The following OPCML variants were observed in gnomAD, a reference collection of about 807,000 sequenced individuals.
The protein encoded by OPCML is opioid binding protein/cell adhesion molecule like.
Under a neutral mutation model 37.8 loss-of-function variants are expected in OPCML, and 13 were observed. That is an observed-to-expected ratio of 0.34 (90% confidence interval 0.22 to 0.55). OPCML has a LOEUF of 0.55. OPCML is among the 20% of genes least tolerant of loss of function. OPCML has a pLI of 0.91. For missense variants in OPCML, 341 were observed against 435.6 expected, an observed-to-expected ratio of 0.78 and a Z score of 1.93; for synonymous variants, 176 against 168.8, an observed-to-expected ratio of 1.04 and a Z score of -0.33.
intron 3 of OPCML, among the ~76,000 whole-genome samples, chr11:132,655,283 A>G (rs1001861203): frequency 6.6e-6 from 1 of 152,150 alleles, no homozygotes. Context: ...GGCACTTCCG[A>G]TGCCGAGAAT....
chr11:132,677,195 A>G (rs1942747747), intron 2 of OPCML, among the ~76,000 whole-genome samples: 1 of 152,120 alleles, frequency 6.6e-6, no homozygotes, highest in African/African-American at 2.4e-5. Context: ...CTAACAAAGT[A>G]TGTGCAAGAT....
chr11:132,558,468 C>G (rs2096403118), intron 3 of OPCML, among the ~76,000 whole-genome samples: 1 of 45,634 alleles, frequency 2.2e-5, no homozygotes, highest in Non-Finnish European at 4.0e-5. Context: ...TCCTCCCCAT[C>G]CTGTCCTCCT....
intron 1 of OPCML, among the ~76,000 whole-genome samples, chr11:133,222,951 G>T (rs1939899513): frequency 6.6e-6 from 1 of 152,096 alleles, no homozygotes; most frequent in Non-Finnish European, 1.5e-5. Flanking sequence ...TCCCAGCCTT[G>T]TGTACTTGGG....
chr11:132,420,052 A>G lies in OPCML; in HGVS notation c.*141T>C. 1.5e-6 allele frequency: 1 copy of G among 678,736 alleles called. No homozygotes were observed. 42.0% of individuals were successfully genotyped at this position (678,736 alleles called of 1,614,324 possible). A position where few individuals can be genotyped will look rare whatever the true frequency, so the allele number is the denominator to read the frequency against. The stretch of plus-strand genomic sequence containing the variant: ...GCTGGAAATAAAAGCAAACAAACAA[A>G]TAAACAAAAACAAAAAGAAAACAAA... On this transcript the variant is annotated 3_prime_UTR_variant, in exon 8 of 8. Coordinates refer to ENST00000524381, the MANE Select transcript of OPCML (RefSeq NM_001012393.5).
intron 3 of OPCML, among the ~76,000 whole-genome samples, chr11:132,635,362 A>G (rs1432976096): frequency 1.3e-5 from 2 of 152,216 alleles, no homozygotes; most frequent in Non-Finnish European, 2.9e-5. Context: ...GAAAGAAAAC[A>G]ATAACAAAAA....
chr11:132,458,706 G>A (rs562760405), intron 4 of OPCML, among the ~76,000 whole-genome samples: 12 of 152,204 alleles, frequency 7.9e-5, no homozygotes, highest in Non-Finnish European at 1.6e-4. Context: ...CTATTACGAT[G>A]AAAAATAAAT....
intron 1 of OPCML, among the ~76,000 whole-genome samples, chr11:133,524,606 T>C (rs1357685258): frequency 6.6e-6 from 1 of 152,218 alleles, no homozygotes; most frequent in African/African-American, 2.4e-5. Context: ...ACATCTGTGT[T>C]TACGGAACGA....
chr11:132,695,710 C>T (rs1943576240), intron 2 of OPCML, among the ~76,000 whole-genome samples: 1 of 152,154 alleles, frequency 6.6e-6, no homozygotes, highest in Non-Finnish European at 1.5e-5. Context: ...ATTTCTTCTT[C>T]CTGACACCCA....
chr11:133,367,316 G>A (rs1448473373), intron 1 of OPCML, among the ~76,000 whole-genome samples: 1 of 152,204 alleles, frequency 6.6e-6, no homozygotes, highest in East Asian at 1.9e-4. Flanking sequence ...CTAAAGACAT[G>A]GCTGCATGTT....
At chr11:132,755,549 G>A (rs977238532) in intron 2 of OPCML, among the ~76,000 whole-genome samples, 28 of 152,032 alleles carry the variant, frequency 1.8e-4, no homozygotes, top group African/African-American at 6.3e-4. Flanking sequence ...AAAGCCATTC[G>A]GGCTATGTTT....
chr11:132,646,141 T>G (rs138820962), intron 3 of OPCML, among the ~76,000 whole-genome samples: 2 of 152,008 alleles, frequency 1.3e-5, no homozygotes, highest in Non-Finnish European at 2.9e-5. Flanking sequence ...ACTGCTCAGG[T>G]GATGGGTGCA....
At chr11:132,603,430 T>C (rs1380172631) in intron 3 of OPCML, among the ~76,000 whole-genome samples, 1 of 152,224 alleles carries the variant, frequency 6.6e-6, no homozygotes, top group Non-Finnish European at 1.5e-5. Context: ...AGCAATTTCA[T>C]CTCCAAAAGA....
At chr11:133,217,465 G>A (rs1453285411) in intron 1 of OPCML, among the ~76,000 whole-genome samples, 1 of 152,172 alleles carries the variant, frequency 6.6e-6, no homozygotes, top group Non-Finnish European at 1.5e-5. Flanking sequence ...CACCCACGGT[G>A]TGCTCAGGAG....
At chr11:132,524,604 G>A (rs1007396539) in intron 4 of OPCML, among the ~76,000 whole-genome samples, 2 of 152,194 alleles carry the variant, frequency 1.3e-5, no homozygotes, top group African/African-American at 4.8e-5. Flanking sequence ...TTTGCATAGT[G>A]CTTTTCGTTA....
chr11:132,428,453 AG>A lies in OPCML; in HGVS notation c.916+7632del, dbSNP rs371645241. On this transcript the variant is annotated intron_variant, in intron 7 of 7. Coordinates refer to ENST00000524381, the MANE Select transcript of OPCML (RefSeq NM_001012393.5). The stretch of plus-strand genomic sequence containing the variant: ...AATGACACAAACAAAATATAAGCAT[AG>A]GGGTAATCTACCATGAGAGCCCAAA... 1.7e-4 allele frequency among the ~76,000 whole-genome samples: 26 copies of A among 152,346 alleles called. No homozygotes were observed. In the South Asian group the frequency reaches 5.4e-3, roughly 32 times the overall value.
intron 1 of OPCML, among the ~76,000 whole-genome samples, chr11:133,503,166 G>A (rs1460684764): frequency 6.6e-6 from 1 of 152,184 alleles, no homozygotes; most frequent in Non-Finnish European, 1.5e-5. Context: ...AGAAAAATGT[G>A]CTGGCCTAGA....
chr11:132,648,934 G>T (rs1941294130), intron 3 of OPCML, among the ~76,000 whole-genome samples: 2 of 152,280 alleles, frequency 1.3e-5, no homozygotes, highest in Admixed American at 1.3e-4. Context: ...GAGGAGAAAT[G>T]GAGTGTGTCC....
chr11:133,020,789 AT>A (rs1165401861), intron 1 of OPCML, among the ~76,000 whole-genome samples: 5 of 152,226 alleles, frequency 3.3e-5, no homozygotes, highest in African/African-American at 1.2e-4. Flanking sequence ...TAGAAAAGCA[AT>A]GATTTTCTTT....
At chr11:132,660,820 A>G (rs1216799655) in intron 2 of OPCML, among the ~76,000 whole-genome samples, 1 of 152,144 alleles carries the variant, frequency 6.6e-6, no homozygotes, top group Non-Finnish European at 1.5e-5. Flanking sequence ...TGGAGGTGAC[A>G]AAGAAAGCCA....
Sources: gnomAD v4.1 joint callset for allele counts (sites outside exome capture counted in the v4.1 genomes callset) on GRCh38, gnomAD v4.1.1 for gene constraint, MANE v1.5 for transcripts, NCBI Gene and HGNC (gene_info 2026-07-23, HGNC 2026-07-21) for gene names.